The following EXOC6 variants were observed in gnomAD, a reference collection of about 807,000 sequenced individuals.
EXOC6 encodes the protein SEC15-like 1.
In EXOC6, 60 loss-of-function variants were observed where a neutral mutation model predicts 112.5. That is an observed-to-expected ratio of 0.53 (90% CI 0.43 to 0.66). The LOEUF is 0.66. Ranked by LOEUF, EXOC6 falls within the 30% of genes least tolerant of loss-of-function variation. The pLI is 0.00. For synonymous variants in EXOC6, 295 were observed against 308.0 expected (o/e 0.96, Z 0.44); for missense variants, 855 against 957.1 (o/e 0.89, Z 1.41).
At chr10:92,941,611 G>C (rs1852671769) in intron 13 of EXOC6, among the ~76,000 whole-genome samples, 1 of 151,958 alleles carries the variant, frequency 6.6e-6, no homozygotes, top group African/African-American at 2.4e-5. Flanking sequence ...ATACTTATAA[G>C]ACTATAAGTA....
At position 92,828,482 on chromosome 10, in the gene EXOC6, T is replaced by A. The variant is rs1175548729; in HGVS notation, c.-27+1538T>A. Among the ~76,000 whole-genome samples the A allele has an allele frequency of 2.0e-5, 3 of 152,122 alleles. No homozygotes were observed. In the East Asian group the frequency reaches 5.8e-4, roughly 29 times the overall value. ...CCAAGTAGCTGAGACTACAGATGTGTGCCACCACACCTGGCTAATTTTTGT... is the reference window on the plus strand; with the variant it reads ...CCAAGTAGCTGAGACTACAGATGTGAGCCACCACACCTGGCTAATTTTTGT... On this transcript the variant is annotated intron_variant, in intron 1 of 22. Coordinates refer to the EXOC6 transcript ENST00000671701.
intron 18 of EXOC6, among the ~76,000 whole-genome samples, chr10:92,977,688 C>T (rs1414612779): frequency 6.6e-6 from 1 of 151,892 alleles, no homozygotes; most frequent in African/African-American, 2.4e-5. Flanking sequence ...CACACACACA[C>T]ACACATACAC....
chr10:92,861,264 G>T (rs1056539083), intron 1 of EXOC6, among the ~76,000 whole-genome samples: 1 of 152,242 alleles, frequency 6.6e-6, no homozygotes, highest in South Asian at 2.1e-4. Context: ...AGATCTGGGG[G>T]CACGAACAGT....
chr10:92,915,085 G>T (rs1278097828), intron 6 of EXOC6, among the ~76,000 whole-genome samples: 2 of 152,328 alleles, frequency 1.3e-5, no homozygotes, highest in South Asian at 2.1e-4. Flanking sequence ...TCAGTGGGAA[G>T]TAAAATAAGC....
chr10:92,837,858 T>A (rs1324666600), intron 1 of EXOC6, among the ~76,000 whole-genome samples: 1 of 152,130 alleles, frequency 6.6e-6, no homozygotes, highest in Non-Finnish European at 1.5e-5. Context: ...CACCTGGGAA[T>A]TGAGGTAGAG....
At chr10:93,049,109 G>T (rs1846151775) in intron 20 of EXOC6, among the ~76,000 whole-genome samples, 1 of 151,380 alleles carries the variant, frequency 6.6e-6, no homozygotes, top group Admixed American at 6.6e-5. Context: ...CCAGGCTGGA[G>T]TGCAGTGGTG....
At chr10:92,975,490 C>A (rs1759943992) in intron 18 of EXOC6, among the ~76,000 whole-genome samples, 1 of 149,398 alleles carries the variant, frequency 6.7e-6, no homozygotes, top group African/African-American at 2.5e-5. Flanking sequence ...GGGTCAGCCC[C>A]CCGCCCACCC....
At chr10:93,006,694 CTTTG>C (rs764646944) in intron 19 of EXOC6, among the ~76,000 whole-genome samples, 97 of 152,256 alleles carry the variant, frequency 6.4e-4, no homozygotes, top group Middle Eastern at 6.8e-3. Context: ...ACATGGGATA[CTTTG>C]TTTGTCTAAT....
intron 20 of EXOC6, among the ~76,000 whole-genome samples, chr10:93,018,030 TAAAATA>T (rs910982599): frequency 2.0e-5 from 3 of 146,618 alleles, no homozygotes; most frequent in Non-Finnish European, 1.5e-5. Flanking sequence ...AAAAAAGAAA[TAAAATA>T]AAAATAAAAA....
intron 1 of EXOC6, among the ~76,000 whole-genome samples, chr10:92,892,365 A>G (rs1849549533): frequency 6.6e-6 from 1 of 152,240 alleles, no homozygotes; most frequent in Non-Finnish European, 1.5e-5. Flanking sequence ...CCCAGCAGTG[A>G]TGTGTGGTAA....
chr10:92,847,790 A>C (rs1800976687), upstream of EXOC6, among the ~76,000 whole-genome samples: 1 of 141,008 alleles, frequency 7.1e-6, no homozygotes, highest in Admixed American at 7.0e-5. Context: ...ACCTGGGGGC[A>C]CCTGAGTTCA....
intron 19 of EXOC6, among the ~76,000 whole-genome samples, chr10:93,004,584 G>A (rs530078551): frequency 1.3e-5 from 2 of 152,206 alleles, no homozygotes; most frequent in South Asian, 2.1e-4. Context: ...TTTTTAAAAT[G>A]TTTCCTTGTA....
intron 1 of EXOC6, among the ~76,000 whole-genome samples, chr10:92,852,376 A>G (rs1847393257): frequency 6.6e-6 from 1 of 152,222 alleles, no homozygotes; most frequent in South Asian, 2.1e-4. Context: ...TTTGAGGTCA[A>G]CATTAACCTG....
chr10:92,991,561 C>T (rs1355240865), intron 18 of EXOC6, among the ~76,000 whole-genome samples: 2 of 151,848 alleles, frequency 1.3e-5, no homozygotes, highest in Admixed American at 6.6e-5. Context: ...AGGCCATACT[C>T]AAAAGATTGT....
intron 17 of EXOC6, among the ~76,000 whole-genome samples, chr10:92,970,032 C>T (rs1242236895): frequency 1.3e-5 from 2 of 152,036 alleles, no homozygotes; most frequent in African/African-American, 4.8e-5. Flanking sequence ...ATTTTCTGTC[C>T]TCAACTAGAT....
chr10:93,030,178 G>A (rs1845208662), intron 20 of EXOC6, among the ~76,000 whole-genome samples: 1 of 152,086 alleles, frequency 6.6e-6, no homozygotes, highest in Non-Finnish European at 1.5e-5. Context: ...AAAGTGCTGA[G>A]ATTACAGGCC....
At chr10:92,844,412 C>T (rs927135987), upstream of EXOC6, among the ~76,000 whole-genome samples, 4 of 152,084 alleles carry the variant, frequency 2.6e-5, no homozygotes, top group African/African-American at 4.8e-5. Context: ...CCAAGGACAA[C>T]GAAAGGTGCT....
At chr10:93,007,272 GTTT>G (rs1844032714) in intron 19 of EXOC6, among the ~76,000 whole-genome samples, 1 of 128,298 alleles carries the variant, frequency 7.8e-6, no homozygotes, top group Admixed American at 8.6e-5. Flanking sequence ...GGAAGGGCCT[GTTT>G]TCCTACTCAA....
At chr10:93,046,846 C>T (rs1846022025) in intron 20 of EXOC6, among the ~76,000 whole-genome samples, 1 of 152,106 alleles carries the variant, frequency 6.6e-6, no homozygotes, top group Non-Finnish European at 1.5e-5. Flanking sequence ...GGTCCGCCCA[C>T]CTCAGCCTCC....
Sources: gnomAD v4.1 joint callset for allele counts (sites outside exome capture counted in the v4.1 genomes callset) on GRCh38, gnomAD v4.1.1 for gene constraint, MANE v1.5 for transcripts, NCBI Gene and HGNC (gene_info 2026-07-23, HGNC 2026-07-21) for gene names.